The following ATP11C variants were observed in gnomAD, a reference collection of about 807,000 sequenced individuals.
The protein encoded by ATP11C is phospholipid-transporting ATPase IG.
In ATP11C, 36 loss-of-function variants were observed where a neutral mutation model predicts 97.4. The observed-to-expected ratio is 0.37, with a 90% CI of 0.28 to 0.49. ATP11C has a LOEUF of 0.49. Ranked by LOEUF, ATP11C falls within the 20% of genes least tolerant of loss-of-function variation. ATP11C has a pLI of 0.98. For synonymous variants in ATP11C, 275 were observed against 290.9 expected, an observed-to-expected ratio of 0.95 and a Z score of 0.56; for missense variants, 730 against 824.6, an observed-to-expected ratio of 0.89 and a Z score of 1.40.
chrX:139,912,455 A>G (rs1458919016), intron 1 of ATP11C, among the ~76,000 whole-genome samples: 3 of 110,583 alleles, frequency 2.7e-5, no homozygotes, highest in Non-Finnish European at 5.7e-5. Flanking sequence ...TTATTTTATT[A>G]TTATGCACAT....
intron 1 of ATP11C, among the ~76,000 whole-genome samples, chrX:139,833,660 C>T (rs1292217681): frequency 9.0e-6 from 1 of 111,088 alleles, no homozygotes; most frequent in Non-Finnish European, 1.9e-5. Flanking sequence ...TGCACTCCAG[C>T]TTGGGCAACA....
chrX:139,830,083 A>G (rs1187493158), intron 1 of ATP11C, among the ~76,000 whole-genome samples: 1 of 112,192 alleles, frequency 8.9e-6, no homozygotes, highest in Non-Finnish European at 1.9e-5. Context: ...AGCTGGCAAA[A>G]GGATCTGAAA....
Position 139,814,890 on chromosome X carries a change from A to C in ATP11C, c.414T>G (p.Ser138Arg), listed in dbSNP as rs770545434. Residue 138 changes from serine (S) to arginine (R), a missense_variant, in exon 5 of 30, where the codon AGT (serine) becomes AGG (arginine). Coordinates refer to ENST00000682941, the MANE Select transcript of ATP11C (RefSeq NM_001353812.2). The stretch of plus-strand genomic sequence containing the variant: ...TAAGAAAAAATACCTTGATTTTTTC[A>C]CTTTCTTTTCTCACTCGCTTTGCAT... ...IENAKRVRKESEKIKVGDVVE... is the reference protein window; with the variant it reads ...IENAKRVRKEREKIKVGDVVE... 8.6e-7 allele frequency: 1 copy of C among 1,163,274 alleles called. No individual in the cohort carries two copies. The highest frequency in any genetic ancestry group is 1.2e-6 in the Non-Finnish European group (1 of 869,399).
intron 1 of ATP11C, among the ~76,000 whole-genome samples, chrX:139,920,246 A>T (rs2148165147): frequency 9.2e-6 from 1 of 108,624 alleles, no homozygotes; most frequent in African/African-American, 3.4e-5. Flanking sequence ...AGTCCAAGCT[A>T]CTTTGGAGGC....
chrX:139,900,685 G>A lies in ATP11C; in HGVS notation c.27+31331C>T, dbSNP rs773038109. Among the ~76,000 whole-genome samples the A allele has an allele frequency of 2.7e-5, 3 of 112,126 alleles. No individual in the cohort carries two copies. The South Asian group carries it at 1.1e-3, about 42-fold the overall frequency. ...CGGGTAACATCTGAAGACATCAACTGATAAAATGGGGAGGGGGCAAAAAGA... is the reference window on the plus strand; with the variant it reads ...CGGGTAACATCTGAAGACATCAACTAATAAAATGGGGAGGGGGCAAAAAGA... On this transcript the variant is annotated intron_variant, in intron 1 of 29. Transcript: ENST00000682941.
chrX:139,768,944 G>A (rs952172946), intron 19 of ATP11C, among the ~76,000 whole-genome samples: 6 of 108,475 alleles, frequency 5.5e-5, no homozygotes, highest in Non-Finnish European at 1.1e-4. Flanking sequence ...AGTAGCCTTA[G>A]CTCACGCCTG....
chrX:139,870,182 C>T (rs1837609784), intron 1 of ATP11C, among the ~76,000 whole-genome samples: 1 of 111,683 alleles, frequency 9.0e-6, no homozygotes, highest in African/African-American at 3.3e-5. Flanking sequence ...AAATTGTATG[C>T]ATTAAATATG....
chrX:139,815,330 A>C lies in ATP11C; in HGVS notation c.319-345T>G, dbSNP rs6634096. 9.4e-4 allele frequency among the ~76,000 whole-genome samples: 105 copies of C among 112,189 alleles called. No individual in the cohort carries two copies. In the East Asian group the frequency reaches 0.022, roughly 23 times the overall value. On this transcript the variant is annotated intron_variant, in intron 4 of 29. Transcript: ENST00000682941. ...TAATTCTATTTTTTAATTTGAAAAA[A>C]GATTGTCCTGGGTTTGTATTTTCTT...
At chrX:139,821,485 G>A (rs1026615610) in intron 2 of ATP11C, among the ~76,000 whole-genome samples, 1 of 112,297 alleles carries the variant, frequency 8.9e-6, no homozygotes, top group Non-Finnish European at 1.9e-5. Flanking sequence ...CTTCTGGTAC[G>A]TTACCCTTCT....
chrX:139,769,757 AT>A (rs765155181), intron 19 of ATP11C, among the ~76,000 whole-genome samples: 18 of 111,329 alleles, frequency 1.6e-4, no homozygotes, highest in Non-Finnish European at 2.8e-4. Context: ...CAGTTATCTA[AT>A]TTAATGATAC....
intron 23 of ATP11C, among the ~76,000 whole-genome samples, chrX:139,757,329 T>G (rs1168881926): frequency 9.0e-6 from 1 of 111,721 alleles, no homozygotes; most frequent in Non-Finnish European, 1.9e-5. Flanking sequence ...AGTTAATATA[T>G]AGCATATTCC....
intron 1 of ATP11C, among the ~76,000 whole-genome samples, chrX:139,836,970 T>C (rs1446134777): frequency 9.0e-6 from 1 of 111,108 alleles, no homozygotes; most frequent in African/African-American, 3.3e-5. Flanking sequence ...ATCTTACCTA[T>C]ACACAGGATT....
intron 1 of ATP11C, among the ~76,000 whole-genome samples, chrX:139,844,159 TC>T (rs777042811): frequency 8.9e-6 from 1 of 112,080 alleles, no homozygotes; most frequent in Non-Finnish European, 1.9e-5. Context: ...AGATAACACT[TC>T]TTAATTAGCA....
rs921444576 is a variant in ATP11C, at chrX:139,802,158, G to A, written c.659+78C>T. On this transcript the variant is annotated intron_variant, in intron 7 of 29. Coordinates refer to ENST00000682941, the MANE Select transcript of ATP11C (RefSeq NM_001353812.2). Reference sequence around the variant, plus strand: ...ATGAGAGTAGGCTGGTAAGTGGTGGGTGTTTCTTTTGCAATACTATTAGCA... The same window carrying A: ...ATGAGAGTAGGCTGGTAAGTGGTGGATGTTTCTTTTGCAATACTATTAGCA... 1.3e-5 allele frequency: 9 copies of A among 704,605 alleles called. No homozygotes were observed. In the African/African-American group the frequency reaches 1.5e-4, roughly 12 times the overall value. The allele number at this position is 704,605 out of a possible 1,213,427, so 58.1% of individuals were successfully genotyped here. A position where few individuals can be genotyped will look rare whatever the true frequency, so the allele number is the denominator to read the frequency against.
chrX:139,862,670 A>G (rs747960118), intron 1 of ATP11C, among the ~76,000 whole-genome samples: 1 of 111,764 alleles, frequency 8.9e-6, no homozygotes, highest in African/African-American at 3.2e-5. Flanking sequence ...CACTTTGAAG[A>G]GGAGAAAATA....
intron 3 of ATP11C, 80 bp from the exon 4 acceptor site, chrX:139,817,023 T>C: frequency 5.1e-6 from 3 of 587,663 alleles, no homozygotes; most frequent in Non-Finnish European, 8.0e-6. Context: ...CTGCAAACAT[T>C]TCAAACAGAA....
intron 1 of ATP11C, among the ~76,000 whole-genome samples, chrX:139,903,576 A>G (rs1218644119): frequency 2.8e-5 from 3 of 108,368 alleles, no homozygotes; most frequent in African/African-American, 1.0e-4. Flanking sequence ...TATCCTCTGT[A>G]GTACCCTTTA....
intron 21 of ATP11C, among the ~76,000 whole-genome samples, chrX:139,762,475 G>A (rs887256623): frequency 9.0e-6 from 1 of 111,146 alleles, no homozygotes; most frequent in African/African-American, 3.3e-5. Context: ...TCAGAAACCT[G>A]GGGTTTGTGG....
chrX:139,887,985 A>C (rs1401776016), intron 1 of ATP11C, among the ~76,000 whole-genome samples: 8 of 105,997 alleles, frequency 7.5e-5, no homozygotes, highest in East Asian at 2.9e-4. Context: ...AAAAAAAAAA[A>C]ACACACACAC....
Sources: gnomAD v4.1 joint callset for allele counts (sites outside exome capture counted in the v4.1 genomes callset) on GRCh38, gnomAD v4.1.1 for gene constraint, MANE v1.5 for transcripts, NCBI Gene and HGNC (gene_info 2026-07-23, HGNC 2026-07-21) for gene names.